Variants in RBSN observed in about 807,000 individuals in gnomAD.
The protein encoded by RBSN is rabenosyn, RAB effector, also known as rabenosyn-5.
A neutral mutation model predicts 60.5 loss-of-function variants in RBSN; 34 were observed. The ratio of observed to expected loss-of-function variants is 0.56; its 90% CI spans 0.43 to 0.75. RBSN has a LOEUF of 0.75. Among genes scored for constraint, RBSN ranks in the 30% least tolerant of loss-of-function variants. The pLI is 0.00. For missense variants in RBSN, 845 were observed against 986.8 expected, an observed-to-expected ratio of 0.86 and a Z score of 1.92; for synonymous variants, 322 against 366.9, an observed-to-expected ratio of 0.88 and a Z score of 1.40.
At position 15,082,627 on chromosome 3, in the gene RBSN, C is replaced by G. The variant is rs780759074; in HGVS notation, c.599-19G>C. ...AGCTTGTCTGTAACCACAACACCAA[C>G]AGGCAGCAATGACCCCCACAGCATC... On this transcript the variant is annotated intron_variant, in intron 8 of 13. Coordinates refer to ENST00000253699, the MANE Select transcript of RBSN (RefSeq NM_022340.4). The surrounding 1 kb of genome is among the most constrained non-coding windows in gnomAD (Gnocchi z 4.2). The G allele has an allele frequency of 6.2e-7, 1 of 1,611,986 alleles. No homozygotes were observed. Among genetic ancestry groups the G allele is most frequent in the African/African-American group, 1.3e-5 (1 of 74,870 alleles).
chr3:15,098,007 C>A, intron 2 of RBSN, 112 bp downstream of exon 2: 1 of 152,656 alleles, frequency 6.6e-6, no homozygotes. Flanking sequence ...CCCATGCACT[C>A]ACCCCTAACG....
chr3:15,082,753 C>A lies in RBSN; in HGVS notation c.599-145G>T. 1 of 1,222,990 alleles carries A rather than the reference C, an allele frequency of 8.2e-7. No individual in the cohort carries two copies. Among genetic ancestry groups the A allele is most frequent in the African/African-American group, 1.5e-5 (1 of 65,982 alleles). The allele number at this position is 1,222,990 out of a possible 1,614,324, so 75.8% of individuals were successfully genotyped here. The stretch of plus-strand genomic sequence containing the variant: ...CTGTGGGCACGTACTGCCCCTCTGC[C>A]TTCCTGGTGTCAGACTCTGGTGAGA... On this transcript the variant is annotated intron_variant, in intron 8 of 13. Transcript: ENST00000253699. The surrounding 1 kb of genome is among the most constrained non-coding windows in gnomAD (Gnocchi z 4.2).
At chr3:15,097,789 G>A (rs571884192) in intron 2 of RBSN, among the ~76,000 whole-genome samples, 10 of 152,118 alleles carry the variant, frequency 6.6e-5, no homozygotes, top group African/African-American at 1.2e-4. Context: ...GAAGACCACC[G>A]AGGAGGGACT....
rs1290852619 is a variant in RBSN, at chr3:15,082,265, G to C, written c.840+102C>G. 3 of 1,471,622 alleles carry C rather than the reference G, an allele frequency of 2.0e-6. No homozygotes were observed. The Admixed American group carries it at 5.6e-5, about 27-fold the overall frequency. 91.2% of individuals were successfully genotyped at this position (1,471,622 alleles called of 1,614,324 possible). ...AACAGGAACTACAAATAATTCAAACGAACAACTTCCCAAAGCATTCTCCAG... is the reference window on the plus strand; with the variant it reads ...AACAGGAACTACAAATAATTCAAACCAACAACTTCCCAAAGCATTCTCCAG... On this transcript the variant is annotated intron_variant, in intron 9 of 13. Coordinates refer to ENST00000253699, the MANE Select transcript of RBSN (RefSeq NM_022340.4). The surrounding 1 kb of genome is among the most constrained non-coding windows in gnomAD (Gnocchi z 4.2).
chr3:15,075,045 A>C, intron 13 of RBSN, 115 bp from the exon 14 acceptor site: 44 of 1,246,422 alleles, frequency 3.5e-5, no homozygotes, highest in Non-Finnish European at 4.8e-5. Context: ...CCAATTTCTC[A>C]CCTCAGGACA....
chr3:15,095,135 C>A (rs2043620179), intron 4 of RBSN, among the ~76,000 whole-genome samples: 1 of 152,084 alleles, frequency 6.6e-6, no homozygotes, highest in South Asian at 2.1e-4. Flanking sequence ...CTACCTCAGT[C>A]TCCTGAGTAG....
Position 15,074,231 on chromosome 3 carries a change from G to A in RBSN, c.1906C>T (p.Pro636Ser). ...GGACCAGTAGTGGCCTCTTCCATGG[G>A]GCTGGAGAGGTCTTCCTCATCAAAG... is the stretch of plus-strand genomic sequence containing the variant. Reference protein sequence around the residue: ...NPFDEEDLSSPMEEATTGPPA... With the variant: ...NPFDEEDLSSSMEEATTGPPA... The change falls in exon 14 of 14, where the codon CCC becomes TCC. Residue 636 changes from proline (P) to serine (S), a missense_variant. Physicochemically the swap from Pro to Ser is moderately conservative, Grantham distance 74. Transcript: ENST00000253699. The surrounding 1 kb of genome is among the most constrained non-coding windows in gnomAD (Gnocchi z 6.4). 2 of 1,609,448 alleles carry A rather than the reference G, an allele frequency of 1.2e-6. No homozygotes were observed. Among genetic ancestry groups the A allele is most frequent in the East Asian group, 4.5e-5 (2 of 44,822 alleles).
chr3:15,075,745 C>G, intron 12 of RBSN, 35 bp from the exon 13 acceptor site: 1 of 1,561,710 alleles, frequency 6.4e-7, no homozygotes, highest in Non-Finnish European at 8.8e-7. Flanking sequence ...ACACTTAAAC[C>G]CTTTTAGAGA....
At position 15,098,270 on chromosome 3, in the gene RBSN, A is replaced by T. The variant is rs1028457108; in HGVS notation, c.-496T>A. 3 of 152,110 alleles carry T rather than the reference A, an allele frequency of 2.0e-5. No homozygotes were observed. Among genetic ancestry groups the T allele is most frequent in the Non-Finnish European group, 4.4e-5 (3 of 68,066 alleles). 9.4% of individuals were successfully genotyped at this position (152,110 alleles called of 1,614,324 possible). A position where few individuals can be genotyped will look rare whatever the true frequency, so the allele number is the denominator to read the frequency against. On this transcript the variant is annotated 5_prime_UTR_variant, in exon 2 of 14. Coordinates refer to ENST00000253699, the MANE Select transcript of RBSN (RefSeq NM_022340.4). ...TCGCCGTCTCCCCAGGGTTTAGCACAGTACCTGGCACACACAATGAAGCAG... is the reference window on the plus strand; with the variant it reads ...TCGCCGTCTCCCCAGGGTTTAGCACTGTACCTGGCACACACAATGAAGCAG...
chr3:15,095,461 G>C (rs1559354758), intron 4 of RBSN, among the ~76,000 whole-genome samples: 1 of 152,168 alleles, frequency 6.6e-6, no homozygotes, highest in East Asian at 1.9e-4. Flanking sequence ...CAAAAACCAA[G>C]GTTTTTAGGT....
intron 13 of RBSN, 136 bp from the exon 14 acceptor site, chr3:15,075,066 A>C: frequency 9.4e-7 from 1 of 1,060,338 alleles, no homozygotes; most frequent in Non-Finnish European, 1.3e-6. Context: ...AAGATATCCA[A>C]CTGCTAAAAT....
chr3:15,095,634 C>A (rs570966159), intron 4 of RBSN: 14 of 435,612 alleles, frequency 3.2e-5, no homozygotes, highest in Middle Eastern at 1.2e-3. Context: ...CTCTCCAAAC[C>A]CTGTTAGGCT....
chr3:15,086,075 A>T, intron 5 of RBSN, 114 bp from the exon 6 acceptor site: 1 of 392,886 alleles, frequency 2.5e-6, no homozygotes, highest in Non-Finnish European at 4.7e-6. Flanking sequence ...CAACATAGCG[A>T]GACCCCGTCT....
In RBSN at chr3:15,074,504, G is replaced by A. The variant is rs770322210; in HGVS notation, c.1633C>T (p.Arg545Trp). The change falls in exon 14 of 14, where the codon CGG becomes TGG. Residue 545 changes from arginine (R) to tryptophan (W), a missense_variant. Physicochemically the swap from Arg to Trp is moderately radical, Grantham distance 101. Coordinates refer to ENST00000253699, the MANE Select transcript of RBSN (RefSeq NM_022340.4). This position sits in a 1 kb window ranked among gnomAD's most constrained non-coding sequence, Gnocchi z 6.4. The stretch of plus-strand genomic sequence containing the variant: ...TCTCTGAAGTCCAGGGACCGAGTCC[G>A]TGTGTGCAGGGATGCCACCCGAAAC... ...EQFRVASLHT[R>W]TRSLDFREIG... is the part of the protein sequence containing the mutation. 1.1e-5 allele frequency: 17 copies of A among 1,614,072 alleles called. No individual in the cohort carries two copies. The highest frequency in any genetic ancestry group is 1.6e-4 in the Middle Eastern group (1 of 6,084).
intron 6 of RBSN, among the ~76,000 whole-genome samples, chr3:15,085,358 C>T (rs991669695): frequency 6.6e-6 from 1 of 152,202 alleles, no homozygotes; most frequent in African/African-American, 2.4e-5. Context: ...CCATTCTCCA[C>T]GGTGCTCCTG....
At position 15,070,879 on chromosome 3, in the gene RBSN, G is replaced by A. The variant is rs1346063101; in HGVS notation, c.*2903C>T. 6.5e-6 allele frequency: 1 copy of A among 152,674 alleles called. No individual in the cohort carries two copies. The highest frequency in any genetic ancestry group is 1.5e-5 in the Non-Finnish European group (1 of 68,086). The allele number at this position is 152,674 out of a possible 1,614,324, so 9.5% of individuals were successfully genotyped here. ...CTCTTGTCACCCAGGTTGGAGTGCA[G>A]TGGCGCAATCTTGGCTCACTGCAAC... On this transcript the variant is annotated 3_prime_UTR_variant, in exon 14 of 14. Transcript: ENST00000253699.
Position 15,084,709 on chromosome 3 carries a change from C to T in RBSN, c.598+26G>A. 6.4e-7 allele frequency: 1 copy of T among 1,561,282 alleles called. No individual in the cohort carries two copies. Among genetic ancestry groups the T allele is most frequent in the South Asian group, 1.2e-5 (1 of 82,324 alleles). Reference sequence around the variant, plus strand: ...CTAGGCCCAAAAGAAGATGAGGGTCCAGGGCCCCACCTCCAAGTCACCTAC... The same window carrying T: ...CTAGGCCCAAAAGAAGATGAGGGTCTAGGGCCCCACCTCCAAGTCACCTAC... On this transcript the variant is annotated intron_variant, in intron 8 of 13. Transcript: ENST00000253699. The surrounding 1 kb of genome is among the most constrained non-coding windows in gnomAD (Gnocchi z 4.2).
chr3:15,090,396 T>A lies in RBSN; in HGVS notation c.289+3A>T. 1 of 1,611,384 alleles carries A rather than the reference T, an allele frequency of 6.2e-7. No homozygotes were observed. The highest frequency in any genetic ancestry group is 8.5e-7 in the Non-Finnish European group (1 of 1,179,282). Reference sequence around the variant, plus strand: ...TGCTGAATGAATAAATGAATTTTCTTACCAAGCTCCTGGGGTTCCCACATG... The same window carrying A: ...TGCTGAATGAATAAATGAATTTTCTAACCAAGCTCCTGGGGTTCCCACATG... On this transcript the variant is annotated splice_donor_region_variant and intron_variant, in intron 5 of 13. Coordinates refer to ENST00000253699, the MANE Select transcript of RBSN (RefSeq NM_022340.4).
Position 15,074,695 on chromosome 3 carries a change from TCATC to T in RBSN, c.1438_1441del (p.Asp480LysfsTer95). 1 of 1,614,248 alleles carries T rather than the reference TCATC, an allele frequency of 6.2e-7. No individual in the cohort carries two copies. The highest frequency in any genetic ancestry group is 8.5e-7 in the Non-Finnish European group (1 of 1,180,036). ...CAGGTTCTCCTGCAGAGTGCGCACT[TCATC>T]CATGCGGCCCGCGGCCTTGGCCTGC... On this transcript the variant is annotated frameshift_variant, in exon 14 of 14. Transcript: ENST00000253699. LOFTEE classifies it low-confidence loss of function (END_TRUNC). This position sits in a 1 kb window ranked among gnomAD's most constrained non-coding sequence, Gnocchi z 6.4.
Sources: gnomAD v4.1 joint callset for allele counts (sites outside exome capture counted in the v4.1 genomes callset) on GRCh38, gnomAD v4.1.1 for gene constraint, Gnocchi (gnomAD v3.1) non-coding constraint, MANE v1.5 for transcripts, NCBI Gene and HGNC (gene_info 2026-07-23, HGNC 2026-07-21) for gene names.